Variants in IQSEC2 observed in about 807,000 individuals in gnomAD.
The protein encoded by IQSEC2 is IQ motif and Sec7 domain ArfGEF 2.
A neutral mutation model predicts 74.6 loss-of-function variants in IQSEC2; 6 were observed. The observed-to-expected ratio is 0.08, with a 90% CI of 0.04 to 0.16. The LOEUF is 0.16. IQSEC2 is among the 10% of genes least tolerant of loss of function. The probability of loss-of-function intolerance (pLI) is 1.00; values close to 1 mark genes in which losing one functional copy is unlikely to be tolerated. For missense variants in IQSEC2, 734 were observed against 1,306.2 expected (o/e 0.56, Z 6.75); for synonymous variants, 494 against 544.5 (o/e 0.91, Z 1.29).
Position 53,284,090 on chromosome X carries a change from GA to G in IQSEC2, c.737+7804del, listed in dbSNP as rs781825146. ...TCTGTCGGGGTTTCCGTATCTATAG[GA>G]AGAGCAATTTGGAAGCCTGTGGTTT... is the stretch of plus-strand genomic sequence containing the variant. On this transcript the variant is annotated intron_variant, in intron 2 of 14. Coordinates refer to ENST00000642864, the MANE Select transcript of IQSEC2 (RefSeq NM_001111125.3). Among the ~76,000 whole-genome samples the G allele has an allele frequency of 2.6e-4, 29 of 111,238 alleles. 1 individual carries two copies. The South Asian group carries it at 0.011, about 42-fold the overall frequency.
At chrX:53,246,926 C>T in intron 8 of IQSEC2, 43 bp downstream of exon 8, 1 of 1,159,210 alleles carries the variant, frequency 8.6e-7, no homozygotes, top group Non-Finnish European at 1.2e-6. Flanking sequence ...CCCCCACTTT[C>T]CCTTTCCAGG....
chrX:53,273,774 C>A (rs1205064053), intron 2 of IQSEC2, among the ~76,000 whole-genome samples: 1 of 112,133 alleles, frequency 8.9e-6, no homozygotes, highest in Non-Finnish European at 1.9e-5. Flanking sequence ...ACAGAGCTAC[C>A]TTTTCTTTGG....
chrX:53,316,691 C>T (rs1174835341), intron 1 of IQSEC2, among the ~76,000 whole-genome samples: 1 of 110,711 alleles, frequency 9.0e-6, no homozygotes, highest in Admixed American at 9.6e-5. Context: ...ACTAGAAGGG[C>T]CAGCCTGGTG....
intron 8 of IQSEC2, 53 bp downstream of exon 8, chrX:53,246,916 C>A (rs1427054692): frequency 2.7e-6 from 3 of 1,094,589 alleles, no homozygotes; most frequent in Admixed American, 2.2e-5. Context: ...TTCCCCTTAC[C>A]CCCCACTTTC....
intron 2 of IQSEC2, among the ~76,000 whole-genome samples, chrX:53,263,960 C>G (rs1248953926): frequency 8.9e-6 from 1 of 112,628 alleles, no homozygotes; most frequent in African/African-American, 3.2e-5. Flanking sequence ...TCAGCAGCCA[C>G]CCTGGGTCCT....
chrX:53,301,452 C>T (rs1380956323), intron 1 of IQSEC2, among the ~76,000 whole-genome samples: 3 of 112,342 alleles, frequency 2.7e-5, no homozygotes, highest in Non-Finnish European at 3.8e-5. Flanking sequence ...TCTGTAATGC[C>T]ATCAGGACCC....
At chrX:53,282,292 G>A (rs1224086566) in intron 2 of IQSEC2, among the ~76,000 whole-genome samples, 1 of 112,983 alleles carries the variant, frequency 8.9e-6, no homozygotes, top group African/African-American at 3.2e-5. Flanking sequence ...ATTGAGGCCT[G>A]GAGAGGAAAA....
At chrX:53,252,794 C>A (rs1479134210) in intron 4 of IQSEC2, among the ~76,000 whole-genome samples, 1 of 112,041 alleles carries the variant, frequency 8.9e-6, no homozygotes, top group African/African-American at 3.2e-5. Flanking sequence ...TTTTAAGCTA[C>A]CAAATTTGGG....
intron 2 of IQSEC2, among the ~76,000 whole-genome samples, chrX:53,286,184 G>C (rs1556871698): frequency 1.8e-5 from 2 of 111,372 alleles, no homozygotes; most frequent in Non-Finnish European, 1.9e-5. Context: ...CAAGCTGGTA[G>C]CAATGGTAAT....
downstream of IQSEC2, among the ~76,000 whole-genome samples, chrX:53,232,111 C>A (rs1036917462): frequency 1.8e-5 from 2 of 111,544 alleles, no homozygotes; most frequent in Admixed American, 1.9e-4. Flanking sequence ...ACGTCCGTTT[C>A]GGAGGGAAGA....
Position 53,234,074 on chromosome X carries a change from G to A in IQSEC2, c.*145C>T. ...GCAACTGCTGGGGGTGAGAGGACGGGTCCCAAGGCAGGGAGGACATGGGGA... is the reference window on the plus strand; with the variant it reads ...GCAACTGCTGGGGGTGAGAGGACGGATCCCAAGGCAGGGAGGACATGGGGA... On this transcript the variant is annotated 3_prime_UTR_variant, in exon 15 of 15. Coordinates refer to ENST00000642864, the MANE Select transcript of IQSEC2 (RefSeq NM_001111125.3). 3.2e-6 allele frequency: 1 copy of A among 314,348 alleles called. No individual in the cohort carries two copies. The highest frequency in any genetic ancestry group is 5.7e-6 in the Non-Finnish European group (1 of 175,305). 25.9% of individuals were successfully genotyped at this position (314,348 alleles called of 1,213,427 possible). A position where few individuals can be genotyped will look rare whatever the true frequency, so the allele number is the denominator to read the frequency against.
intron 2 of IQSEC2, among the ~76,000 whole-genome samples, chrX:53,260,936 C>T (rs2074559020): frequency 1.8e-5 from 2 of 111,234 alleles, no homozygotes; most frequent in South Asian, 3.8e-4. Context: ...TCCTCACTCC[C>T]GGCTCCGTGC....
chrX:53,301,285 C>T (rs1198710233), intron 1 of IQSEC2, among the ~76,000 whole-genome samples: 6 of 111,653 alleles, frequency 5.4e-5, no homozygotes, highest in African/African-American at 2.0e-4. Context: ...ACCCCCTGCT[C>T]CCTTCCCTGC....
Position 53,279,108 on chromosome X carries a change from G to T in IQSEC2, c.737+12787C>A, listed in dbSNP as rs1327516167. The T allele has an allele frequency of 9.8e-5, 11 of 112,430 alleles. No homozygotes were observed. In the Admixed American group the frequency reaches 1.0e-3, roughly 11 times the overall value. 9.3% of individuals were successfully genotyped at this position (112,430 alleles called of 1,213,427 possible). A position where few individuals can be genotyped will look rare whatever the true frequency, so the allele number is the denominator to read the frequency against. On this transcript the variant is annotated intron_variant, in intron 2 of 14. Transcript: ENST00000642864. Reference sequence around the variant, plus strand: ...AAGCAGGAGAATTGCTTGAACCCAGGAGGCAGAGGCTGCAGTGAGCCGAGA... The same window carrying T: ...AAGCAGGAGAATTGCTTGAACCCAGTAGGCAGAGGCTGCAGTGAGCCGAGA...
intron 2 of IQSEC2, among the ~76,000 whole-genome samples, chrX:53,263,638 C>CT (rs376651291): frequency 7.2e-5 from 8 of 111,725 alleles, no homozygotes; most frequent in African/African-American, 2.6e-4. Flanking sequence ...CTTCACCCCC[C>CT]GACTTGCTTG....
At position 53,234,148 on chromosome X, in the gene IQSEC2, A is replaced by G; in HGVS notation, c.*71T>C. The G allele has an allele frequency of 2.4e-6, 1 of 420,813 alleles. No individual in the cohort carries two copies. Among genetic ancestry groups the G allele is most frequent in the Non-Finnish European group, 3.9e-6 (1 of 258,515 alleles). 34.7% of individuals were successfully genotyped at this position (420,813 alleles called of 1,213,427 possible). On this transcript the variant is annotated 3_prime_UTR_variant, in exon 15 of 15. Coordinates refer to ENST00000642864, the MANE Select transcript of IQSEC2 (RefSeq NM_001111125.3). Reference sequence around the variant, plus strand: ...ATATTTTTGAAAAAACCGAGGAAGCAAAGAGGGTGCAAGGTCCCTCTCCTG... The same window carrying G: ...ATATTTTTGAAAAAACCGAGGAAGCGAAGAGGGTGCAAGGTCCCTCTCCTG...
rs1343371079 is a variant in IQSEC2 at position 53,265,643 on chromosome X, G to A, written c.738-9582C>T. ...AGCCCACTTCAGACACATCATGGAAGGTGTGAGTCCTACAAACCCGTAAAG... is the reference window on the plus strand; with the variant it reads ...AGCCCACTTCAGACACATCATGGAAAGTGTGAGTCCTACAAACCCGTAAAG... On this transcript the variant is annotated intron_variant, in intron 2 of 14. Transcript: ENST00000642864. Among the ~76,000 whole-genome samples, 3 of 111,398 alleles carry A rather than the reference G, an allele frequency of 2.7e-5. No homozygotes were observed. The Admixed American group carries it at 2.9e-4, about 11-fold the overall frequency.
chrX:53,317,927 G>A (rs1432476081), intron 1 of IQSEC2, among the ~76,000 whole-genome samples: 2 of 111,974 alleles, frequency 1.8e-5, no homozygotes, highest in Non-Finnish European at 3.8e-5. Flanking sequence ...CTTCTTCCCT[G>A]CCGCTGTCAA....
chrX:53,245,764 T>A (rs1001613570), intron 8 of IQSEC2, among the ~76,000 whole-genome samples: 2 of 110,976 alleles, frequency 1.8e-5, no homozygotes, highest in African/African-American at 6.5e-5. Context: ...ACACCTTTCA[T>A]CTGGCATTCA....
Sources: allele counts gnomAD v4.1 joint callset (sites outside exome capture counted in the v4.1 genomes callset), GRCh38; gene constraint gnomAD v4.1.1; transcripts MANE v1.5; gene names NCBI Gene and HGNC (gene_info 2026-07-23, HGNC 2026-07-21).